Variants in CFAP144 observed in about 807,000 individuals in gnomAD.
CFAP144 encodes cilia and flagella associated protein 144.
At chr1:43,155,411 C>T in the CFAP144 span, among the ~76,000 whole-genome samples, 1 of 152,214 alleles carries the variant, frequency 6.6e-6, no homozygotes, top group East Asian at 1.9e-4. Context: ...GTGGCCTGCC[C>T]TGCTCAGACC....
At chr1:43,149,005 C>T in the CFAP144 span, among the ~76,000 whole-genome samples, 3 of 152,154 alleles carry the variant, frequency 2.0e-5, no homozygotes, top group Admixed American at 6.5e-5. Context: ...ATCCTCACTC[C>T]TGAAGCCTCT....
the CFAP144 span, among the ~76,000 whole-genome samples, chr1:43,147,522 G>C: frequency 2.0e-4 from 31 of 152,184 alleles, no homozygotes; most frequent in Non-Finnish European, 2.8e-4. Context: ...GTGAGGTTTT[G>C]ATTCTGGGCA....
the CFAP144 span, among the ~76,000 whole-genome samples, chr1:43,148,533 G>A: frequency 4.9e-4 from 75 of 152,172 alleles, no homozygotes; most frequent in African/African-American, 1.8e-3. Context: ...TGGGCAGTTT[G>A]TTCTGTCCTG....
At chr1:43,150,944 T>A in the CFAP144 span, 1 of 764,320 alleles carries the variant, frequency 1.3e-6, no homozygotes. Flanking sequence ...ATCCTGGAAA[T>A]GGGACTCATA....
the CFAP144 span, among the ~76,000 whole-genome samples, chr1:43,144,774 C>T: frequency 0.012 from 1,870 of 152,236 alleles, 31 homozygotes; most frequent in African/African-American, 0.043. Flanking sequence ...GCCTTTCCCC[C>T]GCTCCTCCTC....
chr1:43,147,970 G>A, the CFAP144 span: 2 of 1,614,054 alleles, frequency 1.2e-6, no homozygotes, highest in Non-Finnish European at 1.7e-6. Flanking sequence ...ACACCCAAAA[G>A]AGAAGGTGAT....
chr1:43,154,913 C>T, the CFAP144 span, among the ~76,000 whole-genome samples: 2 of 152,130 alleles, frequency 1.3e-5, no homozygotes, highest in Non-Finnish European at 2.9e-5. Flanking sequence ...TAATTTCCAC[C>T]TAATAGGGTG....
the CFAP144 span, among the ~76,000 whole-genome samples, chr1:43,154,928 C>G: frequency 6.6e-6 from 1 of 152,178 alleles, no homozygotes; most frequent in Non-Finnish European, 1.5e-5. Flanking sequence ...AGGGTGCTTG[C>G]TGAAGGCAGG....
the CFAP144 span, chr1:43,156,329 G>T: frequency 1.3e-6 from 2 of 1,588,936 alleles, no homozygotes; most frequent in Non-Finnish European, 8.6e-7. Context: ...CAGCGGATGA[G>T]CCCATCTGTG....
At chr1:43,153,233 C>T in the CFAP144 span, among the ~76,000 whole-genome samples, 1 of 152,166 alleles carries the variant, frequency 6.6e-6, no homozygotes, top group Non-Finnish European at 1.5e-5. Context: ...CAACAGATAC[C>T]TGAGTCAGCT....
At chr1:43,153,718 T>G in the CFAP144 span, among the ~76,000 whole-genome samples, 1 of 151,262 alleles carries the variant, frequency 6.6e-6, no homozygotes. Flanking sequence ...GACGTGTGAG[T>G]AAGGGTCCTC....
chr1:43,153,090 T>G, the CFAP144 span: 1 of 882,382 alleles, frequency 1.1e-6, no homozygotes, highest in South Asian at 1.9e-5. Flanking sequence ...TCAGTTTAAT[T>G]GTTGTAAAAT....
the CFAP144 span, among the ~76,000 whole-genome samples, chr1:43,143,652 GTTAGGCA>G: frequency 3.9e-5 from 6 of 152,154 alleles, no homozygotes; most frequent in Non-Finnish European, 8.8e-5. Context: ...AAATCTAGTC[GTTAGGCA>G]CCCAGGAGTG....
chr1:43,156,109 A>G, the CFAP144 span: 1 of 940,560 alleles, frequency 1.1e-6, no homozygotes. Context: ...ACAGGCTGGG[A>G]GGGTGGAGCC....
At chr1:43,153,669 A>T in the CFAP144 span, among the ~76,000 whole-genome samples, 1 of 151,506 alleles carries the variant, frequency 6.6e-6, no homozygotes, top group African/African-American at 2.4e-5. Context: ...TTAAAAAAAT[A>T]AAAATTTAAA....
At chr1:43,147,771 CG>C in the CFAP144 span, 9 of 1,447,958 alleles carry the variant, frequency 6.2e-6, no homozygotes, top group Non-Finnish European at 8.1e-6. Context: ...CCGGCGGGCG[CG>C]GGGCGGGGCG....
the CFAP144 span, among the ~76,000 whole-genome samples, chr1:43,150,400 A>G: frequency 6.6e-6 from 1 of 152,196 alleles, no homozygotes; most frequent in Non-Finnish European, 1.5e-5. Flanking sequence ...CAGTGATGAA[A>G]ATGTTCTCTG....
At chr1:43,156,284 T>C in the CFAP144 span, 4 of 1,613,854 alleles carry the variant, frequency 2.5e-6, no homozygotes, top group Non-Finnish European at 3.4e-6. Context: ...GGCTAAAACG[T>C]GGGGCTTAGG....
Sources: allele counts gnomAD v4.1 joint callset (sites outside exome capture counted in the v4.1 genomes callset), GRCh38; gene constraint gnomAD v4.1.1; transcripts MANE v1.5; gene names NCBI Gene and HGNC (gene_info 2026-07-23, HGNC 2026-07-21).